The following SPIDR variants were observed in gnomAD, a reference collection of about 807,000 sequenced individuals.
The protein encoded by SPIDR is DNA repair-scaffolding protein.
A neutral mutation model predicts 104.6 loss-of-function variants in SPIDR; 93 were observed. The observed-to-expected ratio is 0.89, with a 90% CI of 0.75 to 1.06. SPIDR has a LOEUF of 1.06. Among genes scored for constraint, SPIDR ranks in the 50% least tolerant of loss-of-function variants. The pLI, the probability that SPIDR is intolerant of heterozygous loss-of-function variation, is 0.00. For missense variants in SPIDR, 1,154 were observed against 1,111.2 expected, an observed-to-expected ratio of 1.04 and a Z score of -0.55; for synonymous variants, 431 against 416.9, an observed-to-expected ratio of 1.03 and a Z score of -0.41.
intron 5 of SPIDR, among the ~76,000 whole-genome samples, chr8:47,380,350 T>G (rs1417400158): frequency 6.6e-6 from 1 of 152,188 alleles, no homozygotes; most frequent in African/African-American, 2.4e-5. Flanking sequence ...ACACTATTTT[T>G]TTTTGGAGAA....
In SPIDR at chr8:47,656,286, T is replaced by C. The variant is rs545005566; in HGVS notation, c.1545-17515T>C. Among the ~76,000 whole-genome samples the C allele has an allele frequency of 3.9e-4, 60 of 152,302 alleles. 1 individual carries two copies. The South Asian group carries it at 0.012, about 31-fold the overall frequency. On this transcript the variant is annotated intron_variant, in intron 10 of 19. Transcript: ENST00000297423. ...TCACTAGTCTGATAGGGGACTTGTA[T>C]CCAGAATATGTAAAGAACACTTACT...
chr8:47,672,623 G>A (rs1287663685), intron 10 of SPIDR, among the ~76,000 whole-genome samples: 3 of 152,084 alleles, frequency 2.0e-5, no homozygotes, highest in African/African-American at 4.8e-5. Context: ...GTCATTTTAT[G>A]TAGTTTCTTG....
chr8:47,503,662 T>G (rs2080952861), intron 8 of SPIDR, among the ~76,000 whole-genome samples: 1 of 152,236 alleles, frequency 6.6e-6, no homozygotes, highest in African/African-American at 2.4e-5. Flanking sequence ...TATGTGTGAA[T>G]TTGATCCTGT....
chr8:47,475,943 G>A (rs2076241611), intron 8 of SPIDR, among the ~76,000 whole-genome samples: 1 of 152,154 alleles, frequency 6.6e-6, no homozygotes, highest in Non-Finnish European at 1.5e-5. Flanking sequence ...AAAAGACATA[G>A]CATTTAAGAA....
intron 5 of SPIDR, among the ~76,000 whole-genome samples, chr8:47,388,920 A>G (rs571028060): frequency 2.0e-5 from 3 of 152,332 alleles, no homozygotes; most frequent in East Asian, 3.8e-4. Flanking sequence ...TGCAATGGAA[A>G]TAGGACCAGA....
chr8:47,437,922 A>T (rs1317558286), intron 7 of SPIDR, among the ~76,000 whole-genome samples: 1 of 152,252 alleles, frequency 6.6e-6, no homozygotes, highest in Non-Finnish European at 1.5e-5. Flanking sequence ...TCATGCTGCT[A>T]TAAAGTAATC....
intron 5 of SPIDR, among the ~76,000 whole-genome samples, chr8:47,294,926 G>A (rs1270315991): frequency 3.3e-5 from 5 of 151,854 alleles, no homozygotes; most frequent in African/African-American, 1.2e-4. Context: ...TTCCTCCTGT[G>A]ACTCCAATTA....
chr8:47,296,863 C>T (rs1297209262), intron 5 of SPIDR, among the ~76,000 whole-genome samples: 4 of 152,132 alleles, frequency 2.6e-5, no homozygotes, highest in African/African-American at 9.7e-5. Context: ...TTCTTGCATT[C>T]CATGAATATG....
At chr8:47,567,043 A>G (rs1237465792) in intron 8 of SPIDR, among the ~76,000 whole-genome samples, 1 of 152,126 alleles carries the variant, frequency 6.6e-6, no homozygotes, top group African/African-American at 2.4e-5. Context: ...AGAAAACACA[A>G]TTTGTTCTCT....
At chr8:47,730,221 C>T (rs2084977251) in intron 19 of SPIDR, among the ~76,000 whole-genome samples, 1 of 152,130 alleles carries the variant, frequency 6.6e-6, no homozygotes. Flanking sequence ...CAGGGTGGCT[C>T]CTCCAAGAAA....
At chr8:47,353,956 G>A (rs2054032367) in intron 5 of SPIDR, among the ~76,000 whole-genome samples, 1 of 151,826 alleles carries the variant, frequency 6.6e-6, no homozygotes, top group Non-Finnish European at 1.5e-5. Flanking sequence ...TTTTTTTCAG[G>A]GTTATGGGGT....
At position 47,329,361 on chromosome 8, in the gene SPIDR, G is replaced by A. The variant is rs183689442; in HGVS notation, c.525+35331G>A. 5.1e-3 allele frequency among the ~76,000 whole-genome samples: 782 copies of A among 152,078 alleles called. 7 individuals are homozygous for A. The highest frequency in any genetic ancestry group is 0.018 in the African/African-American group (742 of 41,504). On this transcript the variant is annotated intron_variant, in intron 5 of 19. Transcript: ENST00000297423. ...GCTGGGATTACAGGCGTGAGCCACC[G>A]CGCCCGACCCAATTTTTGTATTTTT...
intron 7 of SPIDR, among the ~76,000 whole-genome samples, chr8:47,439,046 C>T (rs1554694416): frequency 1.3e-5 from 2 of 152,070 alleles, no homozygotes; most frequent in African/African-American, 4.8e-5. Flanking sequence ...TTGTTGTTCT[C>T]AGTTTATGTA....
At chr8:47,288,205 C>T (rs1554564631) in intron 3 of SPIDR, among the ~76,000 whole-genome samples, 4,716 of 151,762 alleles carry the variant, frequency 0.031, 206 homozygotes, top group African/African-American at 0.1. Flanking sequence ...TATTGGACTT[C>T]CTTATTAACG....
intron 8 of SPIDR, among the ~76,000 whole-genome samples, chr8:47,442,588 C>T (rs1347967498): frequency 2.6e-5 from 4 of 152,210 alleles, no homozygotes; most frequent in African/African-American, 9.7e-5. Context: ...TTGAACCTGT[C>T]TTCCCTCCTT....
intron 7 of SPIDR, among the ~76,000 whole-genome samples, chr8:47,424,901 T>C (rs2154336686): frequency 6.6e-6 from 1 of 152,246 alleles, no homozygotes; most frequent in South Asian, 2.1e-4. Context: ...TGGGTAATTT[T>C]TGTATTTTTA....
intron 10 of SPIDR, among the ~76,000 whole-genome samples, chr8:47,641,012 T>C (rs2068869869): frequency 6.6e-6 from 1 of 151,032 alleles, no homozygotes; most frequent in Admixed American, 6.6e-5. Context: ...TGCGCCTGGC[T>C]GAGCTGTGAT....
Position 47,735,345 on chromosome 8 carries a change from GTTGTTAAATTGTT to G in SPIDR, c.2648_2660del (p.Leu883SerfsTer4). 3 of 1,613,774 alleles carry G rather than the reference GTTGTTAAATTGTT, an allele frequency of 1.9e-6. No homozygotes were observed. Among genetic ancestry groups the G allele is most frequent in the Non-Finnish European group, 2.5e-6 (3 of 1,179,804 alleles). On this transcript the variant is annotated frameshift_variant, in exon 20 of 20. Transcript: ENST00000297423. LOFTEE classifies it low-confidence loss of function (END_TRUNC). Reference sequence around the variant, plus strand: ...AGAGTGTCCTCGGAAAGGAAGTGGGGTTGTTAAATTGTTTTGTCCAGTCCGTAACCGCCCACCC... The same window carrying G: ...AGAGTGTCCTCGGAAAGGAAGTGGGGTTGTCCAGTCCGTAACCGCCCACCC...
intron 10 of SPIDR, among the ~76,000 whole-genome samples, chr8:47,643,268 G>A (rs2129617): frequency 0.45 from 68,212 of 152,020 alleles, 18,484 homozygotes; most frequent in East Asian, 0.65. Flanking sequence ...TGACTAATAG[G>A]TATAACTCTT....
Sources: gnomAD v4.1 joint callset for allele counts (sites outside exome capture counted in the v4.1 genomes callset) on GRCh38, gnomAD v4.1.1 for gene constraint, MANE v1.5 for transcripts, NCBI Gene and HGNC (gene_info 2026-07-23, HGNC 2026-07-21) for gene names.